The following RHBDL3 variants were observed in gnomAD, a reference collection of about 807,000 sequenced individuals.
The protein encoded by RHBDL3 is rhomboid-related protein 3.
A neutral mutation model predicts 48.2 loss-of-function variants in RHBDL3; 28 were observed. The observed-to-expected ratio is 0.58, with a 90% CI of 0.43 to 0.80. RHBDL3 has a LOEUF of 0.80. Among genes scored for constraint, RHBDL3 ranks in the 30% least tolerant of loss-of-function variants. The pLI, the probability that RHBDL3 is intolerant of heterozygous loss-of-function variation, is 0.00. For synonymous variants in RHBDL3, 208 were observed against 232.3 expected, an observed-to-expected ratio of 0.90 and a Z score of 0.95; for missense variants, 464 against 542.7, an observed-to-expected ratio of 0.85 and a Z score of 1.44.
chr17:32,282,403 C>T (rs2040074542), intron 2 of RHBDL3, among the ~76,000 whole-genome samples: 1 of 152,060 alleles, frequency 6.6e-6, no homozygotes, highest in South Asian at 2.1e-4. Flanking sequence ...CCCATCACTA[C>T]AAAAAATTTA....
In RHBDL3 at chr17:32,283,270, T is replaced by C. The variant is rs145139899; in HGVS notation, c.136-1389T>C. 1.5e-3 allele frequency among the ~76,000 whole-genome samples: 227 copies of C among 151,408 alleles called. 2 individuals carry two copies. Among genetic ancestry groups the C allele is most frequent in the African/African-American group, 5.2e-3 (215 of 41,228 alleles). On this transcript the variant is annotated intron_variant, in intron 2 of 8. Transcript: ENST00000269051. ...GGCTCCGTGAGGAAAGGGATAGAAATGATAAGGTCTTCTCTGGGAGAGGTG... is the reference window on the plus strand; with the variant it reads ...GGCTCCGTGAGGAAAGGGATAGAAACGATAAGGTCTTCTCTGGGAGAGGTG...
chr17:32,293,826 G>A (rs2040389047), intron 4 of RHBDL3, among the ~76,000 whole-genome samples: 1 of 151,862 alleles, frequency 6.6e-6, no homozygotes, highest in African/African-American at 2.4e-5. Flanking sequence ...GTGGGTGAGG[G>A]GTGGTTAAAA....
chr17:32,297,404 G>C (rs560817858), intron 5 of RHBDL3, among the ~76,000 whole-genome samples: 4 of 152,292 alleles, frequency 2.6e-5, no homozygotes, highest in African/African-American at 9.6e-5. Context: ...AGAGGTTGCA[G>C]TGAGCTGAGA....
chr17:32,318,591 CAG>C (rs1273276584), intron 8 of RHBDL3, among the ~76,000 whole-genome samples: 1 of 151,782 alleles, frequency 6.6e-6, no homozygotes, highest in Non-Finnish European at 1.5e-5. Context: ...ACTCCAGGCT[CAG>C]AGAGTTAGGT....
chr17:32,295,213 C>T (rs1467100676), intron 5 of RHBDL3, among the ~76,000 whole-genome samples: 1 of 152,174 alleles, frequency 6.6e-6, no homozygotes, highest in African/African-American at 2.4e-5. Flanking sequence ...TCACTCTGGC[C>T]CCAATGACGC....
intron 7 of RHBDL3, 70 bp downstream of exon 7, chr17:32,305,511 TC>T (rs2040688746): frequency 8.8e-7 from 1 of 1,140,586 alleles, no homozygotes; most frequent in Admixed American, 1.7e-5. Flanking sequence ...TGAGTATTAA[TC>T]CACTGGGGCT....
chr17:32,312,220 G>A (rs2040862267), intron 7 of RHBDL3, among the ~76,000 whole-genome samples: 3 of 152,152 alleles, frequency 2.0e-5, no homozygotes, highest in African/African-American at 7.2e-5. Flanking sequence ...TGAATTGCTC[G>A]AGCCCAGGAG....
At chr17:32,313,858 G>A (rs922279300) in intron 7 of RHBDL3, among the ~76,000 whole-genome samples, 3 of 143,410 alleles carry the variant, frequency 2.1e-5, no homozygotes, top group East Asian at 2.1e-4. Flanking sequence ...CCGAGTTCAC[G>A]CCATTCACCT....
intron 3 of RHBDL3, chr17:32,288,143 G>A (rs2040240563): frequency 6.6e-6 from 1 of 152,294 alleles, no homozygotes; most frequent in African/African-American, 2.4e-5. Context: ...ATCTAACCAA[G>A]GGCTGCCTGC....
intron 4 of RHBDL3, among the ~76,000 whole-genome samples, chr17:32,292,679 C>G (rs1306848639): frequency 6.6e-6 from 1 of 151,692 alleles, no homozygotes; most frequent in Non-Finnish European, 1.5e-5. Flanking sequence ...TGGCACACGT[C>G]TAATCCCAGC....
chr17:32,304,942 A>G (rs1440173984), intron 6 of RHBDL3, among the ~76,000 whole-genome samples: 2 of 151,810 alleles, frequency 1.3e-5, no homozygotes, highest in Non-Finnish European at 2.9e-5. Context: ...ACATAGTAAG[A>G]CTCTGTCTCT....
In RHBDL3 at chr17:32,285,375, G is replaced by A. The variant is rs190186744; in HGVS notation, c.294+558G>A. ...AGGGCTGCGAGTAGGTAGGGTATTG[G>A]TGGTAGGAGAAGGGGCTGGGGAGTG... On this transcript the variant is annotated intron_variant, in intron 3 of 8. Coordinates refer to ENST00000269051, the MANE Select transcript of RHBDL3 (RefSeq NM_138328.3). Among the ~76,000 whole-genome samples, 3 of 152,254 alleles carry A rather than the reference G, an allele frequency of 2.0e-5. No individual in the cohort carries two copies. In the East Asian group the frequency reaches 5.8e-4, roughly 29 times the overall value.
At chr17:32,312,517 T>C (rs1387692201) in intron 7 of RHBDL3, among the ~76,000 whole-genome samples, 1 of 151,856 alleles carries the variant, frequency 6.6e-6, no homozygotes, top group African/African-American at 2.4e-5. Flanking sequence ...TCCCAGCACT[T>C]TTTGTTTTGT....
intron 8 of RHBDL3, 45 bp from the exon 9 acceptor site, chr17:32,320,913 G>A: frequency 6.8e-7 from 1 of 1,477,032 alleles, no homozygotes; most frequent in Non-Finnish European, 9.4e-7. Context: ...CTCAGCCCCT[G>A]CTCAGGGCCC....
chr17:32,285,879 G>C (rs1321041773), intron 3 of RHBDL3, among the ~76,000 whole-genome samples: 22 of 152,220 alleles, frequency 1.4e-4, no homozygotes, highest in Admixed American at 1.4e-3. Context: ...CTCTGATGTG[G>C]ATGCCCAGGC....
intron 8 of RHBDL3, 51 bp from the exon 9 acceptor site, chr17:32,320,907 G>A (rs888365997): frequency 7.2e-7 from 1 of 1,393,094 alleles, no homozygotes; most frequent in Non-Finnish European, 1.0e-6. Flanking sequence ...AAGGCCCTCA[G>A]CCCCTGCTCA....
intron 2 of RHBDL3, among the ~76,000 whole-genome samples, chr17:32,276,874 T>G: frequency 1.0e-5 from 1 of 97,532 alleles, no homozygotes. Flanking sequence ...CCTAGCACAG[T>G]ACTGCGGCCC....
At chr17:32,313,919 G>A (rs1406776028) in intron 7 of RHBDL3, among the ~76,000 whole-genome samples, 2 of 151,872 alleles carry the variant, frequency 1.3e-5, no homozygotes, top group African/African-American at 4.8e-5. Context: ...ACCATGCCCA[G>A]CTAATTTTTT....
intron 2 of RHBDL3, among the ~76,000 whole-genome samples, chr17:32,272,968 G>C (rs2039808517): frequency 6.6e-6 from 1 of 152,100 alleles, no homozygotes; most frequent in African/African-American, 2.4e-5. Context: ...GTTAATGGAG[G>C]CATCTTGTCC....
Sources: gnomAD v4.1 joint callset for allele counts (sites outside exome capture counted in the v4.1 genomes callset) on GRCh38, gnomAD v4.1.1 for gene constraint, MANE v1.5 for transcripts, NCBI Gene and HGNC (gene_info 2026-07-23, HGNC 2026-07-21) for gene names.